The following ITPKB variants were observed in gnomAD, a reference collection of about 807,000 sequenced individuals.
ITPKB encodes the protein inositol-trisphosphate 3-kinase B.
A neutral mutation model predicts 69.4 loss-of-function variants in ITPKB; 13 were observed. The ratio of observed to expected loss-of-function variants is 0.19; its 90% CI spans 0.12 to 0.30. ITPKB has a LOEUF of 0.30. ITPKB is among the 10% of genes least tolerant of loss of function. The probability of loss-of-function intolerance (pLI) is 1.00; values close to 1 mark genes in which losing one functional copy is unlikely to be tolerated. For synonymous variants in ITPKB, 584 were observed against 513.7 expected, an observed-to-expected ratio of 1.14 and a Z score of -1.85; for missense variants, 1,240 against 1,250.5, an observed-to-expected ratio of 0.99 and a Z score of 0.13.
chr1:226,674,583 C>T (rs1571853190), intron 2 of ITPKB, among the ~76,000 whole-genome samples: 1 of 152,184 alleles, frequency 6.6e-6, no homozygotes, highest in East Asian at 1.9e-4. Context: ...ATCTGCCCGC[C>T]TTGGCCTCCC....
chr1:226,696,691 C>T lies in ITPKB; in HGVS notation c.1932+38836G>A, dbSNP rs566998502. 3.9e-5 allele frequency among the ~76,000 whole-genome samples: 6 copies of T among 152,288 alleles called. No individual in the cohort carries two copies. In the East Asian group the frequency reaches 1.2e-3, roughly 29 times the overall value. The stretch of plus-strand genomic sequence containing the variant: ...AGCTAGCACCAGCAATGAGGAAATA[C>T]GCACACGCGCACACACACACACGCA... On this transcript the variant is annotated intron_variant, in intron 2 of 7. Coordinates refer to ENST00000429204, the MANE Select transcript of ITPKB (RefSeq NM_002221.4).
chr1:226,689,569 TTGTGTGTG>T (rs10589027), intron 2 of ITPKB, among the ~76,000 whole-genome samples: 2,036 of 138,552 alleles, frequency 0.015, 19 homozygotes, highest in Middle Eastern at 0.028. Flanking sequence ...AAGGTTTTAT[TTGTGTGTG>T]TGTGTGTGTG....
intron 2 of ITPKB, among the ~76,000 whole-genome samples, chr1:226,680,195 C>G (rs1014867774): frequency 4.6e-5 from 7 of 152,250 alleles, no homozygotes; most frequent in Non-Finnish European, 7.3e-5. Context: ...GCGCCCGCGA[C>G]CACGTGAGCA....
intron 2 of ITPKB, among the ~76,000 whole-genome samples, chr1:226,650,645 C>T (rs144568352): frequency 2.6e-5 from 4 of 152,336 alleles, no homozygotes; most frequent in East Asian, 1.9e-4. Context: ...AGTGCACAGC[C>T]GGTCACCACC....
intron 2 of ITPKB, among the ~76,000 whole-genome samples, chr1:226,673,882 A>G (rs1218251084): frequency 6.6e-6 from 1 of 152,232 alleles, no homozygotes; most frequent in Non-Finnish European, 1.5e-5. Flanking sequence ...TCTGCCAGGC[A>G]GGCTCAGAGA....
chr1:226,707,782 C>A, intron 2 of ITPKB: 1 of 1,071,988 alleles, frequency 9.3e-7, no homozygotes, highest in Non-Finnish European at 1.2e-6. Flanking sequence ...AGCACTTAGA[C>A]TTTACAGATG....
chr1:226,684,914 G>T (rs116707641), intron 2 of ITPKB, among the ~76,000 whole-genome samples: 2 of 152,074 alleles, frequency 1.3e-5, no homozygotes, highest in Non-Finnish European at 1.5e-5. Flanking sequence ...GCGCTCCACC[G>T]TTCACACCCC....
intron 2 of ITPKB, among the ~76,000 whole-genome samples, chr1:226,702,450 C>T (rs1656692096): frequency 6.6e-6 from 1 of 151,566 alleles, no homozygotes; most frequent in Admixed American, 6.6e-5. Context: ...CCTATTTCAT[C>T]ATGGTGAGGT....
chr1:226,658,687 C>T (rs752905887), intron 2 of ITPKB, among the ~76,000 whole-genome samples: 2 of 152,202 alleles, frequency 1.3e-5, no homozygotes, highest in East Asian at 1.9e-4. Context: ...GGCTGGATGG[C>T]ACCGAACATC....
intron 2 of ITPKB, among the ~76,000 whole-genome samples, chr1:226,713,091 CAAAT>C (rs1023144676): frequency 2.0e-5 from 3 of 152,104 alleles, no homozygotes; most frequent in African/African-American, 4.8e-5. Flanking sequence ...TGCATATGCG[CAAAT>C]AAATATACAC....
At chr1:226,691,908 T>G (rs1173236614) in intron 2 of ITPKB, among the ~76,000 whole-genome samples, 1 of 152,144 alleles carries the variant, frequency 6.6e-6, no homozygotes, top group Non-Finnish European at 1.5e-5. Context: ...GTGGATTCAG[T>G]GGTCACCCAG....
intron 2 of ITPKB, among the ~76,000 whole-genome samples, chr1:226,674,174 C>T (rs757546026): frequency 6.6e-6 from 1 of 152,102 alleles, no homozygotes; most frequent in Non-Finnish European, 1.5e-5. Flanking sequence ...CCCAAACCAG[C>T]AATTACAAAT....
At chr1:226,646,492 C>G (rs369429175) in intron 4 of ITPKB, among the ~76,000 whole-genome samples, 18 of 152,266 alleles carry the variant, frequency 1.2e-4, no homozygotes, top group African/African-American at 4.3e-4. Context: ...CTGGAGTCCT[C>G]TCCAGGCTTA....
chr1:226,654,222 G>A (rs115132427), intron 2 of ITPKB, among the ~76,000 whole-genome samples: 92 of 152,228 alleles, frequency 6.0e-4, no homozygotes, highest in African/African-American at 2.0e-3. Context: ...GATTTGTAGT[G>A]GGAGGGAAAA....
intron 2 of ITPKB, among the ~76,000 whole-genome samples, chr1:226,723,432 T>G (rs1657304514): frequency 6.6e-6 from 1 of 152,082 alleles, no homozygotes; most frequent in African/African-American, 2.4e-5. Flanking sequence ...CCTGTGTTAA[T>G]AAGCACGTGC....
In ITPKB at chr1:226,736,442, TG is replaced by T; in HGVS notation, c.1016del (p.Pro339GlnfsTer60). The T allele has an allele frequency of 1.2e-6, 2 of 1,613,474 alleles. No homozygotes were observed. On this transcript the variant is annotated frameshift_variant, in exon 2 of 8. Transcript: ENST00000429204. LOFTEE classifies it high-confidence loss of function. ...GCCCCTGCCTCTCCACCAGGGCCTC[TG>T]GGGGCTGCAGGTCCTCAAGCTCACG... ...RARELEDLQP[P>X]EALVERQGQF...
At chr1:226,692,292 C>T (rs1656376748) in intron 2 of ITPKB, among the ~76,000 whole-genome samples, 1 of 151,926 alleles carries the variant, frequency 6.6e-6, no homozygotes, top group Non-Finnish European at 1.5e-5. Context: ...ATCCTGCTTG[C>T]CTGGCTTCTA....
At chr1:226,668,384 G>A (rs1669546895) in intron 2 of ITPKB, among the ~76,000 whole-genome samples, 1 of 152,194 alleles carries the variant, frequency 6.6e-6, no homozygotes, top group Admixed American at 6.5e-5. Context: ...TCACTTTGGG[G>A]TGGCTCGTCC....
At chr1:226,691,801 C>A (rs1656359392) in intron 2 of ITPKB, among the ~76,000 whole-genome samples, 2 of 152,194 alleles carry the variant, frequency 1.3e-5, no homozygotes, top group South Asian at 4.1e-4. Context: ...CCCATCATGT[C>A]ATTGTGATGG....
Sources: gnomAD v4.1 joint callset for allele counts (sites outside exome capture counted in the v4.1 genomes callset) on GRCh38, gnomAD v4.1.1 for gene constraint, MANE v1.5 for transcripts, NCBI Gene and HGNC (gene_info 2026-07-23, HGNC 2026-07-21) for gene names.